The following AUTS2 variants were observed in gnomAD, a reference collection of about 807,000 sequenced individuals.
AUTS2 encodes the protein autism susceptibility gene 2 protein.
Under a neutral mutation model 112.4 loss-of-function variants are expected in AUTS2, and 17 were observed. That is an observed-to-expected ratio of 0.15 (90% CI 0.10 to 0.23). The LOEUF (loss-of-function observed/expected upper bound fraction) is 0.23. AUTS2 is among the 10% of genes least tolerant of loss of function. The pLI is 1.00. For synonymous variants in AUTS2, 751 were observed against 702.7 expected (o/e 1.07, Z -1.09); for missense variants, 1,510 against 1,701.6 (o/e 0.89, Z 1.98).
At chr7:69,963,225 A>C (rs1036566807) in intron 2 of AUTS2, among the ~76,000 whole-genome samples, 3 of 152,174 alleles carry the variant, frequency 2.0e-5, no homozygotes, top group Admixed American at 6.6e-5. Context: ...TAATAATAAT[A>C]ATAAGAGCCC....
At chr7:70,227,109 A>G (rs1021692922) in intron 4 of AUTS2, among the ~76,000 whole-genome samples, 1 of 152,214 alleles carries the variant, frequency 6.6e-6, no homozygotes, top group African/African-American at 2.4e-5. Context: ...AAGTTAAACT[A>G]GATGGCTGTC....
intron 4 of AUTS2, among the ~76,000 whole-genome samples, chr7:70,157,087 A>C (rs1452819349): frequency 1.3e-5 from 2 of 151,748 alleles, no homozygotes; most frequent in African/African-American, 4.8e-5. Context: ...TTACCAAAAA[A>C]AAAAGCAAGT....
intron 5 of AUTS2, among the ~76,000 whole-genome samples, chr7:70,438,903 G>A (rs1448084747): frequency 6.6e-6 from 1 of 152,200 alleles, no homozygotes; most frequent in African/African-American, 2.4e-5. Context: ...GACCCACTGG[G>A]ATTTCTCTCT....
intron 3 of AUTS2, among the ~76,000 whole-genome samples, chr7:70,122,891 G>A (rs577053917): frequency 2.6e-4 from 27 of 105,452 alleles, no homozygotes; most frequent in Admixed American, 5.3e-4. Flanking sequence ...TTTTTTTTCC[G>A]TGACACGGAG....
At chr7:69,867,250 G>C (rs1195934644) in intron 1 of AUTS2, among the ~76,000 whole-genome samples, 1 of 152,196 alleles carries the variant, frequency 6.6e-6, no homozygotes, top group Non-Finnish European at 1.5e-5. Flanking sequence ...GATAGGCCTT[G>C]AGGACTTGGT....
chr7:70,052,953 A>G (rs1271701316), intron 2 of AUTS2, among the ~76,000 whole-genome samples: 1 of 152,170 alleles, frequency 6.6e-6, no homozygotes, highest in African/African-American at 2.4e-5. Flanking sequence ...TGATTTTGAG[A>G]TAAATAGTGG....
intron 2 of AUTS2, among the ~76,000 whole-genome samples, chr7:69,980,986 G>T (rs1798273868): frequency 6.6e-6 from 1 of 152,182 alleles, no homozygotes; most frequent in South Asian, 2.1e-4. Context: ...TGAATAATTG[G>T]AATGCAGAAT....
chr7:70,638,067 C>T (rs553169509), intron 5 of AUTS2, among the ~76,000 whole-genome samples: 1 of 152,130 alleles, frequency 6.6e-6, no homozygotes, highest in Non-Finnish European at 1.5e-5. Context: ...CAGAAGTCTC[C>T]TGAGTGCCCT....
intron 2 of AUTS2, among the ~76,000 whole-genome samples, chr7:70,041,939 C>T (rs1481383616): frequency 6.6e-6 from 1 of 151,960 alleles, no homozygotes; most frequent in Non-Finnish European, 1.5e-5. Flanking sequence ...TTGGATTCTC[C>T]AAATAACTGG....
At chr7:69,975,200 T>C (rs1798005730) in intron 2 of AUTS2, among the ~76,000 whole-genome samples, 1 of 152,146 alleles carries the variant, frequency 6.6e-6, no homozygotes, top group African/African-American at 2.4e-5. Flanking sequence ...CTCTTTCTTC[T>C]GGCCTTCAGG....
At chr7:69,631,273 G>A (rs1341174346) in intron 1 of AUTS2, among the ~76,000 whole-genome samples, 1 of 151,986 alleles carries the variant, frequency 6.6e-6, no homozygotes, top group African/African-American at 2.4e-5. Flanking sequence ...CAGCTGTTCT[G>A]GAAAAAGTAG....
chr7:69,707,456 A>G (rs1351845894), intron 1 of AUTS2, among the ~76,000 whole-genome samples: 2 of 152,320 alleles, frequency 1.3e-5, no homozygotes, highest in South Asian at 2.1e-4. Flanking sequence ...CAGGTGTAAG[A>G]AATATTCATC....
rs201592914 is a variant in AUTS2, at chr7:69,850,301, AC to A, written c.310-48984del. The stretch of plus-strand genomic sequence containing the variant: ...CAGGGTGACACTCTGTCTCAAAAAA[AC>A]AAAAACAAAAACAAAAACAAAAAAA... On this transcript the variant is annotated intron_variant, in intron 1 of 18. Transcript: ENST00000342771. 2.4e-3 allele frequency among the ~76,000 whole-genome samples: 362 copies of A among 149,478 alleles called. 2 individuals are homozygous for A. The highest frequency in any genetic ancestry group is 8.1e-3 in the African/African-American group (327 of 40,418).
At chr7:70,087,627 C>T (rs911435930) in intron 2 of AUTS2, among the ~76,000 whole-genome samples, 4 of 152,080 alleles carry the variant, frequency 2.6e-5, no homozygotes, top group Non-Finnish European at 4.4e-5. Flanking sequence ...CCTCGGCCTC[C>T]CAAAGTGCTG....
At chr7:69,613,390 A>G (rs1243930805) in intron 1 of AUTS2, among the ~76,000 whole-genome samples, 1 of 152,168 alleles carries the variant, frequency 6.6e-6, no homozygotes, top group East Asian at 1.9e-4. Flanking sequence ...CATACAATAT[A>G]TCTGTAACAT....
At chr7:69,841,933 T>A (rs1259502352) in intron 1 of AUTS2, among the ~76,000 whole-genome samples, 1 of 152,174 alleles carries the variant, frequency 6.6e-6, no homozygotes, top group Non-Finnish European at 1.5e-5. Context: ...TATCTGCAAT[T>A]CACTTTCACA....
chr7:70,548,902 T>G (rs538101376), intron 5 of AUTS2, among the ~76,000 whole-genome samples: 1 of 148,252 alleles, frequency 6.7e-6, no homozygotes, highest in African/African-American at 2.5e-5. Flanking sequence ...ATATACATTT[T>G]AGGATCATCT....
chr7:70,397,824 G>T (rs1174274254), intron 4 of AUTS2, among the ~76,000 whole-genome samples: 23 of 151,974 alleles, frequency 1.5e-4, no homozygotes, highest in Non-Finnish European at 1.5e-4. Flanking sequence ...TTATAGTTTT[G>T]CCTAACTCAA....
chr7:70,530,401 A>G (rs1443307681), intron 5 of AUTS2, among the ~76,000 whole-genome samples: 1 of 152,138 alleles, frequency 6.6e-6, no homozygotes, highest in East Asian at 1.9e-4. Context: ...ATCCCAAACT[A>G]ATCACCATCT....
Sources: gnomAD v4.1 joint callset for allele counts (sites outside exome capture counted in the v4.1 genomes callset) on GRCh38, gnomAD v4.1.1 for gene constraint, MANE v1.5 for transcripts, NCBI Gene and HGNC (gene_info 2026-07-23, HGNC 2026-07-21) for gene names.